TBL1XR1: variants seen among roughly 807,000 people sequenced by gnomAD.
The protein encoded by TBL1XR1 is F-box-like/WD repeat-containing protein TBL1XR1.
In TBL1XR1, 5 loss-of-function variants were observed where a neutral mutation model predicts 66.9. That is an observed-to-expected ratio of 0.07 (90% CI 0.04 to 0.16). The LOEUF is 0.16. Ranked by LOEUF, TBL1XR1 falls within the 10% of genes least tolerant of loss-of-function variation. The pLI is 1.00. For synonymous variants in TBL1XR1, 210 were observed against 206.0 expected (o/e 1.02, Z -0.17); for missense variants, 238 against 623.2 (o/e 0.38, Z 6.58).
intron 1 of TBL1XR1, among the ~76,000 whole-genome samples, chr3:177,167,991 C>G (rs1389037597): frequency 6.6e-6 from 1 of 152,066 alleles, no homozygotes; most frequent in African/African-American, 2.4e-5. Context: ...AACTCCAATA[C>G]AAGTTTTATA....
intron 1 of TBL1XR1, among the ~76,000 whole-genome samples, chr3:177,118,944 C>A (rs1038341970): frequency 6.6e-6 from 1 of 152,088 alleles, no homozygotes; most frequent in Non-Finnish European, 1.5e-5. Context: ...CTCATAAAAA[C>A]AAAGAAAAAC....
In TBL1XR1 at chr3:177,049,980, G is replaced by T. The variant is rs753061021; in HGVS notation, c.702+17C>A. On this transcript the variant is annotated intron_variant, in intron 7 of 15. Transcript: ENST00000457928. ...TATACTAGTAATTATATCCATCATG[G>T]ATATAGTGATACTCACATTCCAATC... The T allele has an allele frequency of 1.2e-6, 2 of 1,612,054 alleles. No individual in the cohort carries two copies. The highest frequency in any genetic ancestry group is 4.5e-5 in the East Asian group (2 of 44,822).
At chr3:177,094,839 A>G (rs925561098) in intron 2 of TBL1XR1, among the ~76,000 whole-genome samples, 1 of 152,064 alleles carries the variant, frequency 6.6e-6, no homozygotes, top group African/African-American at 2.4e-5. Context: ...GGGGATGGAG[A>G]GGGATGAAAG....
At chr3:177,065,463 C>T (rs115464443) in intron 2 of TBL1XR1, among the ~76,000 whole-genome samples, 1,892 of 152,272 alleles carry the variant, frequency 0.012, 22 homozygotes, top group Non-Finnish European at 0.021. Context: ...TTATCCACTC[C>T]AGTTTTATCT....
intron 1 of TBL1XR1, among the ~76,000 whole-genome samples, chr3:177,139,444 AGAATCGCTT>A (rs1263616887): frequency 2.0e-5 from 3 of 152,070 alleles, no homozygotes; most frequent in Admixed American, 2.0e-4. Context: ...CTGAGGCAGG[AGAATCGCTT>A]GAACTCAGGA....
At chr3:177,182,034 T>C (rs1734889941) in intron 1 of TBL1XR1, among the ~76,000 whole-genome samples, 1 of 152,188 alleles carries the variant, frequency 6.6e-6, no homozygotes, top group African/African-American at 2.4e-5. Context: ...AAAAGGATTC[T>C]GCAGATGACA....
rs114581225 is a variant in TBL1XR1 at position 177,063,396 on chromosome 3, A to G, written c.58+1524T>C. On this transcript the variant is annotated intron_variant, in intron 3 of 15. Transcript: ENST00000457928. ...AAATAGTTGTCTTTACCATACACCAACAAGCCTTTACAATATATTTCCCAT... is the reference window on the plus strand; with the variant it reads ...AAATAGTTGTCTTTACCATACACCAGCAAGCCTTTACAATATATTTCCCAT... Among the ~76,000 whole-genome samples the G allele has an allele frequency of 5.2e-3, 791 of 152,320 alleles. 12 individuals carry two copies. The highest frequency in any genetic ancestry group is 0.018 in the African/African-American group (751 of 41,576).
rs145340166 is a variant in TBL1XR1, at chr3:177,131,042, T to C, written c.-121-32501A>G. ...GTACTGAGGCTTATCACGCAGTCAGTAGCACAATGGCAACAGAAACTAGGT... is the reference window on the plus strand; with the variant it reads ...GTACTGAGGCTTATCACGCAGTCAGCAGCACAATGGCAACAGAAACTAGGT... On this transcript the variant is annotated intron_variant, in intron 1 of 15. Transcript: ENST00000457928. Among the ~76,000 whole-genome samples, 13 of 151,952 alleles carry C rather than the reference T, an allele frequency of 8.6e-5. No individual in the cohort carries two copies. The East Asian group carries it at 2.3e-3, about 27-fold the overall frequency.
chr3:177,157,549 G>C (rs1731665826), intron 1 of TBL1XR1, among the ~76,000 whole-genome samples: 1 of 152,136 alleles, frequency 6.6e-6, no homozygotes, highest in Non-Finnish European at 1.5e-5. Flanking sequence ...GTTTAAATGA[G>C]GATTACCTTG....
At chr3:177,188,002 T>C (rs916206763) in intron 1 of TBL1XR1, among the ~76,000 whole-genome samples, 3 of 129,124 alleles carry the variant, frequency 2.3e-5, no homozygotes, top group East Asian at 4.8e-4. Flanking sequence ...CAGGCAGGAA[T>C]ACAGTGGCAC....
At chr3:177,047,688 T>G in intron 7 of TBL1XR1, 139 bp from the exon 8 acceptor site, 3 of 890,296 alleles carry the variant, frequency 3.4e-6, no homozygotes, top group Non-Finnish European at 5.2e-6. Context: ...TTTTGCCTAC[T>G]TGTGAGTGCC....
intron 1 of TBL1XR1, among the ~76,000 whole-genome samples, chr3:177,149,014 A>C (rs1294169543): frequency 1.7e-5 from 1 of 59,884 alleles, no homozygotes; most frequent in Non-Finnish European, 4.4e-5. Flanking sequence ...AAAAAAAAAG[A>C]AAAGAAAAGA....
intron 1 of TBL1XR1, among the ~76,000 whole-genome samples, chr3:177,185,539 G>A (rs545610237): frequency 2.6e-5 from 4 of 152,024 alleles, no homozygotes; most frequent in South Asian, 2.1e-4. Context: ...CCCAGGAAGC[G>A]GAGGTCACTG....
chr3:177,164,350 A>ATT (rs34088456), intron 1 of TBL1XR1, among the ~76,000 whole-genome samples: 66 of 142,798 alleles, frequency 4.6e-4, no homozygotes, highest in Non-Finnish European at 7.1e-4. Context: ...CCTATTTTCA[A>ATT]TTTTTTTTTT....
In TBL1XR1 at chr3:177,048,665, C is replaced by T. The variant is rs369042570; in HGVS notation, c.703-1116G>A. On this transcript the variant is annotated intron_variant, in intron 7 of 15. Coordinates refer to ENST00000457928, the MANE Select transcript of TBL1XR1 (RefSeq NM_024665.7). ...TAAATGTTTTAGTTCATGAACTGCT[C>T]AACTAGGAAAATACTGTAAAGATGA... 9.2e-5 allele frequency among the ~76,000 whole-genome samples: 14 copies of T among 152,288 alleles called. No homozygotes were observed. The East Asian group carries it at 2.7e-3, about 29-fold the overall frequency.
At chr3:177,049,528 G>C (rs147988516) in intron 7 of TBL1XR1, among the ~76,000 whole-genome samples, 5 of 152,222 alleles carry the variant, frequency 3.3e-5, no homozygotes, top group African/African-American at 1.2e-4. Context: ...ATCCCTAAAA[G>C]GAAATTGGTA....
At chr3:177,177,740 C>G (rs975238083) in intron 1 of TBL1XR1, among the ~76,000 whole-genome samples, 1 of 152,136 alleles carries the variant, frequency 6.6e-6, no homozygotes, top group South Asian at 2.1e-4. Context: ...ATCATGAAAA[C>G]ATACCTAAGA....
At position 177,059,007 on chromosome 3, in the gene TBL1XR1, T is replaced by C. The variant is rs563858280; in HGVS notation, c.59-5089A>G. ...AATTAGTCATGGATACAACCATGTGTGTAAAATCAAGGTTATTCTGTATTT... is the reference window on the plus strand; with the variant it reads ...AATTAGTCATGGATACAACCATGTGCGTAAAATCAAGGTTATTCTGTATTT... On this transcript the variant is annotated intron_variant, in intron 3 of 15. Coordinates refer to ENST00000457928, the MANE Select transcript of TBL1XR1 (RefSeq NM_024665.7). 1.1e-4 allele frequency among the ~76,000 whole-genome samples: 17 copies of C among 152,346 alleles called. No homozygotes were observed. In the South Asian group the frequency reaches 2.7e-3, roughly 24 times the overall value.
chr3:177,196,161 A>AAC (rs1227239232), intron 1 of TBL1XR1, among the ~76,000 whole-genome samples: 2 of 152,222 alleles, frequency 1.3e-5, no homozygotes, highest in Non-Finnish European at 2.9e-5. Context: ...TGAACACGTT[A>AAC]ACACATGCAT....
Sources: gnomAD v4.1 joint callset for allele counts (sites outside exome capture counted in the v4.1 genomes callset) on GRCh38, gnomAD v4.1.1 for gene constraint, MANE v1.5 for transcripts, NCBI Gene and HGNC (gene_info 2026-07-23, HGNC 2026-07-21) for gene names.